Variants in MCMDC2 observed in about 807,000 individuals in gnomAD.
MCMDC2 encodes minichromosome maintenance domain containing 2, also known as minichromosome maintenance domain-containing protein 2.
In MCMDC2, 54 loss-of-function variants were observed where a neutral mutation model predicts 75.8. The observed-to-expected ratio is 0.71, with a 90% confidence interval of 0.57 to 0.89. MCMDC2 has a LOEUF of 0.89. Ranked by LOEUF, MCMDC2 falls within the 40% of genes least tolerant of loss-of-function variation. MCMDC2 has a pLI of 0.00. For missense variants in MCMDC2, 656 were observed against 780.4 expected, an observed-to-expected ratio of 0.84 and a Z score of 1.90; for synonymous variants, 249 against 274.6, an observed-to-expected ratio of 0.91 and a Z score of 0.92.
intron 13 of MCMDC2, among the ~76,000 whole-genome samples, chr8:66,902,273 C>T (rs1328105100): frequency 2.0e-5 from 3 of 151,326 alleles, no homozygotes; most frequent in Non-Finnish European, 4.4e-5. Flanking sequence ...TGCCTGTAGT[C>T]CCAGCTACTC....
At chr8:66,890,228 C>T (rs961480486) in intron 9 of MCMDC2, among the ~76,000 whole-genome samples, 2 of 152,044 alleles carry the variant, frequency 1.3e-5, no homozygotes, top group Non-Finnish European at 2.9e-5. Flanking sequence ...TACAGGCCCA[C>T]CTAATTTTTG....
intron 12 of MCMDC2, among the ~76,000 whole-genome samples, chr8:66,900,353 G>A (rs762177403): frequency 5.9e-5 from 9 of 151,954 alleles, no homozygotes; most frequent in Non-Finnish European, 1.2e-4. Flanking sequence ...CAGGAGAATC[G>A]CTTGAACCCC....
intron 14 of MCMDC2, among the ~76,000 whole-genome samples, chr8:66,906,946 T>C (rs1812927549): frequency 6.6e-6 from 1 of 152,086 alleles, no homozygotes. Flanking sequence ...TTTTGTATTT[T>C]TAATAGAGAT....
At chr8:66,889,685 G>C (rs898520998) in intron 9 of MCMDC2, among the ~76,000 whole-genome samples, 2 of 152,138 alleles carry the variant, frequency 1.3e-5, no homozygotes, top group African/African-American at 4.8e-5. Context: ...TGTGGTCCCA[G>C]CTACTTGGGA....
rs141240294 is a variant in MCMDC2, at chr8:66,890,984, G to A, written c.1193G>A (p.Gly398Asp). ...ACTGGAGCAGTTAGCATTCAGGCTG[G>A]CAGTGCTTTGCTAGCTAAAGGTGGT... The part of the protein sequence containing the change: ...YGTGAVSIQA[G>D]SALLAKGGIC... Residue 398 changes from glycine (G) to aspartate (D), a missense_variant, in exon 10 of 15, where the codon GGC becomes GAC. Gly to Asp is a moderately conservative substitution (Grantham distance 94, BLOSUM62 -1). Coordinates refer to ENST00000422365, the MANE Select transcript of MCMDC2 (RefSeq NM_173518.5). 2 of 1,608,860 alleles carry A rather than the reference G, an allele frequency of 1.2e-6. No individual in the cohort carries two copies. The highest frequency in any genetic ancestry group is 1.7e-6 in the Non-Finnish European group (2 of 1,178,980).
At chr8:66,911,154 C>T (rs767819346) in intron 14 of MCMDC2, among the ~76,000 whole-genome samples, 2 of 152,144 alleles carry the variant, frequency 1.3e-5, no homozygotes, top group Non-Finnish European at 2.9e-5. Context: ...GCTTTGTGTC[C>T]TCACCCAAAC....
At chr8:66,913,582 G>A (rs955400119) in intron 14 of MCMDC2, among the ~76,000 whole-genome samples, 8 of 152,048 alleles carry the variant, frequency 5.3e-5, no homozygotes, top group African/African-American at 1.9e-4. Flanking sequence ...ATGATAACTA[G>A]GTGCTAGGCA....
At chr8:66,902,626 G>A (rs565238701) in intron 13 of MCMDC2, among the ~76,000 whole-genome samples, 6 of 146,944 alleles carry the variant, frequency 4.1e-5, no homozygotes, top group South Asian at 2.1e-4. Context: ...CCCCAGAGGC[G>A]GAGGTTGCAG....
chr8:66,899,474 A>G (rs1264755213), intron 12 of MCMDC2, among the ~76,000 whole-genome samples: 1 of 152,138 alleles, frequency 6.6e-6, no homozygotes, highest in Non-Finnish European at 1.5e-5. Flanking sequence ...CCAATCCAGG[A>G]CATGTCCAAT....
At position 66,919,473 on chromosome 8, in the gene MCMDC2, C is replaced by G. The variant is rs1813437851; in HGVS notation, c.*304C>G. ...GTTAGCCCAGAATACCAGTGGTGAACAGATAAAAATGTAAATGTTGCAATT... is the reference window on the plus strand; with the variant it reads ...GTTAGCCCAGAATACCAGTGGTGAAGAGATAAAAATGTAAATGTTGCAATT... On this transcript the variant is annotated 3_prime_UTR_variant, in exon 15 of 15. Transcript: ENST00000422365. The G allele has an allele frequency of 1.1e-5, 2 of 185,348 alleles. No individual in the cohort carries two copies. Among genetic ancestry groups the G allele is most frequent in the South Asian group, 3.5e-4 (2 of 5,756 alleles). 11.5% of individuals were successfully genotyped at this position (185,348 alleles called of 1,614,324 possible). A position where few individuals can be genotyped will look rare whatever the true frequency, so the allele number is the denominator to read the frequency against.
chr8:66,908,450 T>G lies in MCMDC2; in HGVS notation c.1879+3115T>G, dbSNP rs1812987426. Among the ~76,000 whole-genome samples, 4 of 152,244 alleles carry G rather than the reference T, an allele frequency of 2.6e-5. No homozygotes were observed. In the South Asian group the frequency reaches 8.3e-4, roughly 32 times the overall value. On this transcript the variant is annotated intron_variant, in intron 14 of 14. Coordinates refer to ENST00000422365, the MANE Select transcript of MCMDC2 (RefSeq NM_173518.5). ...TCATTAAGTCTAAGACACATTATTT[T>G]ATGTGCTGTAAAGAAAAAATTCTGC...
At chr8:66,871,103 CT>C (rs1810994404) in intron 1 of MCMDC2, among the ~76,000 whole-genome samples, 1 of 152,144 alleles carries the variant, frequency 6.6e-6, no homozygotes, top group Non-Finnish European at 1.5e-5. Context: ...TCACTTAACG[CT>C]TTTCCACAGG....
At chr8:66,874,851 C>T (rs113622980) in intron 4 of MCMDC2, among the ~76,000 whole-genome samples, 4,569 of 151,970 alleles carry the variant, frequency 0.03, 136 homozygotes, top group African/African-American at 0.06. Flanking sequence ...CTCTGCCTCC[C>T]GGGTTCAAAC....
intron 13 of MCMDC2, among the ~76,000 whole-genome samples, chr8:66,904,159 A>G (rs778462018): frequency 6.6e-6 from 1 of 152,214 alleles, no homozygotes; most frequent in Non-Finnish European, 1.5e-5. Flanking sequence ...GTTATGCCTT[A>G]TCTCTAATGT....
intron 13 of MCMDC2, among the ~76,000 whole-genome samples, chr8:66,902,709 A>AT (rs1554530698): frequency 4.6e-3 from 486 of 105,404 alleles, no homozygotes; most frequent in African/African-American, 0.013. Flanking sequence ...AAAAAAAAAA[A>AT]AAATATATAT....
intron 8 of MCMDC2, among the ~76,000 whole-genome samples, chr8:66,883,297 G>T (rs907439643): frequency 6.6e-6 from 1 of 152,132 alleles, no homozygotes; most frequent in African/African-American, 2.4e-5. Context: ...GTGATACATA[G>T]AAATATAGGA....
downstream of MCMDC2, among the ~76,000 whole-genome samples, chr8:66,924,803 G>C (rs1037924449): frequency 5.3e-5 from 8 of 152,122 alleles, no homozygotes; most frequent in Non-Finnish European, 1.2e-4. Flanking sequence ...TGCACGTGTT[G>C]TTCTCCAACC....
intron 13 of MCMDC2, among the ~76,000 whole-genome samples, chr8:66,902,711 A>AAAAAAAAAAATATATAT (rs1467425752): frequency 2.9e-5 from 2 of 67,916 alleles, no homozygotes; most frequent in African/African-American, 1.5e-4. Flanking sequence ...AAAAAAAAAA[A>AAAAAAAAAAATATATAT]ATATATATAT....
intron 4 of MCMDC2, among the ~76,000 whole-genome samples, chr8:66,875,274 A>G (rs1251995564): frequency 1.3e-5 from 2 of 151,896 alleles, no homozygotes; most frequent in African/African-American, 2.4e-5. Context: ...AAAATTATGG[A>G]CATTTTTCTT....
Sources: gnomAD v4.1 joint callset for allele counts (sites outside exome capture counted in the v4.1 genomes callset) on GRCh38, gnomAD v4.1.1 for gene constraint, MANE v1.5 for transcripts, NCBI Gene and HGNC (gene_info 2026-07-23, HGNC 2026-07-21) for gene names.